The following PCDH15 variants were observed in gnomAD, a reference collection of about 807,000 sequenced individuals.
PCDH15 encodes protocadherin related 15.
In PCDH15, 129 loss-of-function variants were observed where a neutral mutation model predicts 178.5. That is an observed-to-expected ratio of 0.72 (90% CI 0.63 to 0.84). The LOEUF is 0.84. PCDH15 is among the 40% of genes least tolerant of loss of function. The pLI, the probability that PCDH15 is intolerant of heterozygous loss-of-function variation, is 0.00. For synonymous variants in PCDH15, 800 were observed against 732.0 expected (o/e 1.09, Z -1.50); for missense variants, 2,230 against 2,099.9 (o/e 1.06, Z -1.21).
chr10:54,307,604 C>T (rs2060636676), intron 8 of PCDH15, among the ~76,000 whole-genome samples: 1 of 151,984 alleles, frequency 6.6e-6, no homozygotes, highest in Non-Finnish European at 1.5e-5. Context: ...CATTTGGCAT[C>T]TGCTGCTCCC....
rs138788556 is a variant in PCDH15 at position 54,448,473 on chromosome 10, G to A, written c.158-69531C>T. ...CAAATGTTCCATTTTTAAATTGGGAGGGGGTATGTTTTAGAATAGAATAAT... is the reference window on the plus strand; with the variant it reads ...CAAATGTTCCATTTTTAAATTGGGAAGGGGTATGTTTTAGAATAGAATAAT... On this transcript the variant is annotated intron_variant, in intron 3 of 37. Transcript: ENST00000644397. Among the ~76,000 whole-genome samples the A allele has an allele frequency of 9.2e-5, 14 of 151,658 alleles. 1 individual carries two copies. In the East Asian group the frequency reaches 2.7e-3, roughly 29 times the overall value.
intron 1 of PCDH15, among the ~76,000 whole-genome samples, chr10:55,317,448 C>G (rs912122688): frequency 5.3e-5 from 8 of 151,726 alleles, no homozygotes; most frequent in Non-Finnish European, 7.4e-5. Context: ...ATTTTAACAA[C>G]TCCAGGATAT....
chr10:55,159,339 CCATATCTATCTATCTATCTATCTA>C (rs1204359420), intron 2 of PCDH15, among the ~76,000 whole-genome samples: 1 of 26,870 alleles, frequency 3.7e-5, no homozygotes, highest in Non-Finnish European at 1.4e-4. Flanking sequence ...GGTAAGATTA[CCATATCTATCTATCTATCTATCTA>C]TCTATCTATA....
Position 53,822,671 on chromosome 10 carries a change from T to C in PCDH15, c.4368-2441A>G, listed in dbSNP as rs773237139. 6.2e-7 allele frequency: 1 copy of C among 1,614,078 alleles called. No individual in the cohort carries two copies. The highest frequency in any genetic ancestry group is 1.1e-5 in the South Asian group (1 of 91,086). On this transcript the variant is annotated intron_variant, in intron 32 of 37. Coordinates refer to ENST00000644397, the MANE Select transcript of PCDH15 (RefSeq NM_001384140.1). ...CAGGAGAACTGATGACATTAGGTTC[T>C]GATTTGAGTTCCACAGTTCTTGAAA...
At chr10:53,817,861 G>A (rs1185663185) in intron 34 of PCDH15, 134 bp downstream of exon 34, 1 of 392,686 alleles carries the variant, frequency 2.5e-6, no homozygotes, top group African/African-American at 2.1e-5. Flanking sequence ...AAAATAAATA[G>A]CATAACATAC....
At chr10:55,391,022 C>A (rs1037120598) in intron 2 of PCDH15, among the ~76,000 whole-genome samples, 1 of 152,188 alleles carries the variant, frequency 6.6e-6, no homozygotes, top group Non-Finnish European at 1.5e-5. Context: ...AGAAAGTCAG[C>A]CTATCCTTTG....
upstream of PCDH15, among the ~76,000 whole-genome samples, chr10:55,321,467 T>C (rs1304535279): frequency 2.0e-5 from 3 of 152,036 alleles, no homozygotes; most frequent in Non-Finnish European, 2.9e-5. Context: ...CCAACCTCAC[T>C]AGAGAGGCCA....
rs1564726520 is a variant in PCDH15, at chr10:55,024,138, TAGGAAGGA to T, written c.-79-126646_-79-126639del. ...ATAGGAAGGAATATATATATATATA[TAGGAAGGA>T]ATATATATAGAGAGAGGAAGGAATA... On this transcript the variant is annotated intron_variant, in intron 2 of 5. Coordinates refer to the PCDH15 transcript ENST00000458638. Among the ~76,000 whole-genome samples the T allele has an allele frequency of 2.8e-5, 4 of 144,580 alleles. No individual in the cohort carries two copies. In the East Asian group the frequency reaches 8.2e-4, roughly 30 times the overall value. The allele number at this position is 144,580 out of a possible 152,430, so 94.9% of individuals were successfully genotyped here.
At chr10:54,920,830 T>C (rs1837467528) in intron 2 of PCDH15, among the ~76,000 whole-genome samples, 1 of 152,198 alleles carries the variant, frequency 6.6e-6, no homozygotes, top group Non-Finnish European at 1.5e-5. Flanking sequence ...CAAGAGGCAG[T>C]TGAAAACTGC....
intron 14 of PCDH15, among the ~76,000 whole-genome samples, chr10:54,149,013 C>A (rs943990842): frequency 6.6e-6 from 1 of 152,050 alleles, no homozygotes; most frequent in African/African-American, 2.4e-5. Flanking sequence ...TCCAGCCCCA[C>A]CTTGAATCAG....
intron 2 of PCDH15, among the ~76,000 whole-genome samples, chr10:55,339,941 A>T (rs1355288748): frequency 6.6e-6 from 1 of 151,892 alleles, no homozygotes; most frequent in South Asian, 2.1e-4. Flanking sequence ...CAAAGAAAAA[A>T]AAAACCCACA....
intron 1 of PCDH15, among the ~76,000 whole-genome samples, chr10:54,800,080 C>G (rs1037416924): frequency 5.3e-5 from 8 of 152,102 alleles, no homozygotes; most frequent in Non-Finnish European, 8.8e-5. Context: ...AGGAGGCCAT[C>G]ATATTATACT....
At chr10:54,370,882 A>G (rs945544120) in intron 4 of PCDH15, among the ~76,000 whole-genome samples, 1 of 151,856 alleles carries the variant, frequency 6.6e-6, no homozygotes, top group Admixed American at 6.6e-5. Context: ...AACAAAGAAA[A>G]AGAAAGTTGA....
chr10:54,065,351 G>A (rs990068984), intron 18 of PCDH15, among the ~76,000 whole-genome samples: 1 of 152,124 alleles, frequency 6.6e-6, no homozygotes, highest in Non-Finnish European at 1.5e-5. Context: ...TAGCAATCTT[G>A]TTACTGGCTA....
At chr10:53,830,205 C>A (rs2076937357) in intron 30 of PCDH15, among the ~76,000 whole-genome samples, 1 of 151,170 alleles carries the variant, frequency 6.6e-6, no homozygotes, top group African/African-American at 2.4e-5. Flanking sequence ...AGGAGGCTGA[C>A]ACAGGAGAAC....
At chr10:54,196,960 G>A (rs1419682230) in intron 10 of PCDH15, among the ~76,000 whole-genome samples, 1 of 152,104 alleles carries the variant, frequency 6.6e-6, no homozygotes, top group African/African-American at 2.4e-5. Flanking sequence ...AAGCCATCCA[G>A]TTTATGGTGT....
At chr10:55,185,710 C>T (rs141715574) in intron 1 of PCDH15, among the ~76,000 whole-genome samples, 1 of 151,612 alleles carries the variant, frequency 6.6e-6, no homozygotes, top group Non-Finnish European at 1.5e-5. Context: ...ATGAACAGAA[C>T]ACCTTGACAG....
At chr10:54,616,392 T>C (rs774393029) in intron 2 of PCDH15, among the ~76,000 whole-genome samples, 5 of 152,066 alleles carry the variant, frequency 3.3e-5, no homozygotes, top group African/African-American at 4.8e-5. Flanking sequence ...AGTGAAATCA[T>C]AGAACTGCTT....
At chr10:55,168,804 T>A (rs1314349292) in intron 1 of PCDH15, among the ~76,000 whole-genome samples, 1 of 152,210 alleles carries the variant, frequency 6.6e-6, no homozygotes, top group East Asian at 1.9e-4. Flanking sequence ...TTCATGTGAT[T>A]GTGCACGCAT....
Sources: allele counts gnomAD v4.1 joint callset (sites outside exome capture counted in the v4.1 genomes callset), GRCh38; gene constraint gnomAD v4.1.1; transcripts MANE v1.5; gene names NCBI Gene and HGNC (gene_info 2026-07-23, HGNC 2026-07-21).